The following PLCE1 variants were observed in gnomAD, a reference collection of about 807,000 sequenced individuals.
PLCE1 encodes phospholipase C epsilon 1.
Under a neutral mutation model 242.8 loss-of-function variants are expected in PLCE1, and 119 were observed. The observed-to-expected ratio is 0.49, with a 90% CI of 0.42 to 0.57. PLCE1 has a LOEUF of 0.57. Ranked by LOEUF, PLCE1 falls within the 20% of genes least tolerant of loss-of-function variation. The pLI is 0.00. For synonymous variants in PLCE1, 945 were observed against 1,017.4 expected (o/e 0.93, Z 1.35); for missense variants, 2,441 against 2,788.8 (o/e 0.88, Z 2.81).
intron 1 of PLCE1, among the ~76,000 whole-genome samples, chr10:94,026,717 A>G (rs976173816): frequency 3.9e-5 from 6 of 152,210 alleles, no homozygotes; most frequent in Non-Finnish European, 8.8e-5. Flanking sequence ...ATATCTCAAA[A>G]TTGATAATTT....
Position 94,246,639 on chromosome 10 carries a change from C to T in PLCE1, c.3096+18C>T, listed in dbSNP as rs752720219. 1 of 1,608,026 alleles carries T rather than the reference C, an allele frequency of 6.2e-7. No homozygotes were observed. Reference sequence around the variant, plus strand: ...TTTATCAGGTAAGGGGTGCAGCCATCCCTCTTTCCTCACTGGCATAATACT... The same window carrying T: ...TTTATCAGGTAAGGGGTGCAGCCATTCCTCTTTCCTCACTGGCATAATACT... On this transcript the variant is annotated intron_variant, in intron 8 of 32. Coordinates refer to ENST00000371380, the MANE Select transcript of PLCE1 (RefSeq NM_016341.4).
chr10:94,075,416 T>C (rs954755750), intron 2 of PLCE1, among the ~76,000 whole-genome samples: 5 of 152,230 alleles, frequency 3.3e-5, no homozygotes, highest in South Asian at 2.1e-4. Flanking sequence ...TCCATGTTGG[T>C]TTACTTGAGA....
At chr10:94,014,438 T>TAA (rs11396439) in intron 1 of PLCE1, among the ~76,000 whole-genome samples, 2,771 of 142,786 alleles carry the variant, frequency 0.019, 38 homozygotes, top group African/African-American at 0.043. Flanking sequence ...ATCCTGTCTT[T>TAA]AAAAAAAAAA....
intron 11 of PLCE1, among the ~76,000 whole-genome samples, chr10:94,255,928 T>A (rs879770291): frequency 0.03 from 3,949 of 130,034 alleles, 43 homozygotes; most frequent in African/African-American, 0.059. Context: ...TCTCTCTCTC[T>A]CTCTCTCTCT....
At chr10:94,133,653 G>C (rs147507717) in intron 3 of PLCE1, among the ~76,000 whole-genome samples, 52 of 152,302 alleles carry the variant, frequency 3.4e-4, no homozygotes, top group African/African-American at 9.6e-4. Context: ...TAACCTCCTT[G>C]TGTACTATGT....
chr10:94,330,008 T>C lies in PLCE1; in HGVS notation c.*2065T>C, dbSNP rs1224697392. 6.6e-6 allele frequency: 1 copy of C among 152,174 alleles called. No homozygotes were observed. The highest frequency in any genetic ancestry group is 1.5e-5 in the Non-Finnish European group (1 of 68,028). 9.4% of individuals were successfully genotyped at this position (152,174 alleles called of 1,614,324 possible). A position where few individuals can be genotyped will look rare whatever the true frequency, so the allele number is the denominator to read the frequency against. On this transcript the variant is annotated 3_prime_UTR_variant, in exon 33 of 33. Coordinates refer to ENST00000371380, the MANE Select transcript of PLCE1 (RefSeq NM_016341.4). ...TTAAAAATATTCCGGAAACACTTTA[T>C]CAAGCCTCTATAAGTGAACATGCCA...
intron 2 of PLCE1, among the ~76,000 whole-genome samples, chr10:94,045,274 G>T (rs546757238): frequency 1.3e-5 from 2 of 152,176 alleles, no homozygotes; most frequent in African/African-American, 4.8e-5. Flanking sequence ...ATGGGCTCGT[G>T]CCACCACACC....
rs1177112312 is a variant in PLCE1, at chr10:94,226,831, C to CTTT, written c.1810-451_1810-449dup. ...TATAAGAGATTAAGGACCTATAGGT[C>CTTT]TTTTTTTTTTTTTTTTTTTTTTTTT... On this transcript the variant is annotated intron_variant, in intron 4 of 32. Transcript: ENST00000371380. 1.1e-3 allele frequency among the ~76,000 whole-genome samples: 107 copies of CTTT among 101,802 alleles called. 10 individuals are homozygous for CTTT. Among genetic ancestry groups the CTTT allele is most frequent in the African/African-American group, 3.4e-3 (88 of 25,902 alleles). 66.8% of individuals were successfully genotyped at this position (101,802 alleles called of 152,430 possible).
At position 94,171,367 on chromosome 10, in the gene PLCE1, A is replaced by G; in HGVS notation, c.1680A>G (p.Thr560=). The G allele has an allele frequency of 6.2e-7, 1 of 1,614,160 alleles. No homozygotes were observed. The highest frequency in any genetic ancestry group is 8.5e-7 in the Non-Finnish European group (1 of 1,180,024). ...CAGTCGACTACCTTTGCTTCTTAAC[A>G]CGGGACTTGGGCACTCCTGAATGCC... is the stretch of plus-strand genomic sequence containing the variant. ...VLPVDYLCFL[T]RDLGTPECQS... The change falls in exon 4 of 33, where the codon ACA becomes ACG. Residue 560 remains threonine, a synonymous_variant. Transcript: ENST00000371380.
chr10:94,213,288 T>A (rs1002436098), intron 4 of PLCE1, among the ~76,000 whole-genome samples: 2 of 152,210 alleles, frequency 1.3e-5, no homozygotes, highest in African/African-American at 4.8e-5. Flanking sequence ...CTGGAAAAGA[T>A]GATGAACTTT....
At chr10:94,253,262 C>G (rs925917191) in intron 9 of PLCE1, among the ~76,000 whole-genome samples, 1 of 152,138 alleles carries the variant, frequency 6.6e-6, no homozygotes, top group South Asian at 2.1e-4. Context: ...GTGACAGCCT[C>G]CGGAAGCTTA....
chr10:94,098,193 A>G (rs755359210), intron 2 of PLCE1, among the ~76,000 whole-genome samples: 3 of 152,176 alleles, frequency 2.0e-5, no homozygotes, highest in Non-Finnish European at 4.4e-5. Flanking sequence ...AAAATGGAAG[A>G]TTGCTGGGGA....
intron 4 of PLCE1, among the ~76,000 whole-genome samples, chr10:94,181,663 G>T (rs1429335531): frequency 6.6e-6 from 1 of 152,164 alleles, no homozygotes; most frequent in African/African-American, 2.4e-5. Flanking sequence ...AATCCTAGTA[G>T]TTTAGGCATC....
intron 3 of PLCE1, among the ~76,000 whole-genome samples, chr10:94,161,617 T>C (rs2047616290): frequency 6.6e-6 from 1 of 152,202 alleles, no homozygotes; most frequent in Non-Finnish European, 1.5e-5. Context: ...ACAATTTGAC[T>C]TCTTCTTTTC....
chr10:94,141,869 G>A (rs1358453955), intron 3 of PLCE1, among the ~76,000 whole-genome samples: 1 of 152,168 alleles, frequency 6.6e-6, no homozygotes, highest in Non-Finnish European at 1.5e-5. Flanking sequence ...CCTAATTACA[G>A]AGACTCAGAA....
At chr10:94,141,320 T>TAC (rs1346251001) in intron 3 of PLCE1, among the ~76,000 whole-genome samples, 5 of 152,222 alleles carry the variant, frequency 3.3e-5, no homozygotes, top group Non-Finnish European at 5.9e-5. Context: ...TAGGTGTGAA[T>TAC]ACACCCATTT....
chr10:94,213,235 C>A (rs894440775), intron 4 of PLCE1, among the ~76,000 whole-genome samples: 1 of 152,166 alleles, frequency 6.6e-6, no homozygotes, highest in African/African-American at 2.4e-5. Context: ...CTTTCATGTA[C>A]AGCTCTGTTA....
In PLCE1 at chr10:94,246,099, C is replaced by A. The variant is rs536046544; in HGVS notation, c.2574C>A (p.His858Gln). 6.2e-7 allele frequency: 1 copy of A among 1,614,122 alleles called. No homozygotes were observed. Among genetic ancestry groups the A allele is most frequent in the South Asian group, 1.1e-5 (1 of 91,084 alleles). ...WYVLSIQADV[H>Q]QFLLQGATVI... ...TGCTGTCCATCCAAGCCGATGTGCACCAGTTCCTGCTGCAGGGGGCCACGG... is the reference window on the plus strand; with the variant it reads ...TGCTGTCCATCCAAGCCGATGTGCAACAGTTCCTGCTGCAGGGGGCCACGG... Residue 858 changes from histidine to glutamine, a missense_variant, in exon 8 of 33, where the codon CAC becomes CAA. Transcript: ENST00000371380.
chr10:94,042,267 G>A (rs1166822582), intron 2 of PLCE1, among the ~76,000 whole-genome samples: 1 of 152,172 alleles, frequency 6.6e-6, no homozygotes, highest in Non-Finnish European at 1.5e-5. Flanking sequence ...GCCTGGAAAT[G>A]TCTGTAGAAG....
Sources: allele counts gnomAD v4.1 joint callset (sites outside exome capture counted in the v4.1 genomes callset), GRCh38; gene constraint gnomAD v4.1.1; transcripts MANE v1.5; gene names NCBI Gene and HGNC (gene_info 2026-07-23, HGNC 2026-07-21).